GRK3: variants seen among roughly 807,000 people sequenced by gnomAD.
GRK3 encodes the protein adrenergic, beta, receptor kinase 2.
In GRK3, 54 loss-of-function variants were observed where a neutral mutation model predicts 95.7. That is an observed-to-expected ratio of 0.56 (90% CI 0.45 to 0.71). The LOEUF is 0.71. GRK3 is among the 30% of genes least tolerant of loss of function. GRK3 has a pLI of 0.00. For missense variants in GRK3, 649 were observed against 851.2 expected (o/e 0.76, Z 2.96); for synonymous variants, 281 against 290.8 (o/e 0.97, Z 0.34).
rs531854576 is a variant in GRK3 at position 25,701,051 on chromosome 22, C to T, written c.1161-2459C>T. On this transcript the variant is annotated intron_variant, in intron 13 of 20. Coordinates refer to ENST00000324198, the MANE Select transcript of GRK3 (RefSeq NM_005160.4). Reference sequence around the variant, plus strand: ...AATTTTCCAACTCATTTAGGGGAAACGTGCAGCTGTTCCATTCTATCTGTA... The same window carrying T: ...AATTTTCCAACTCATTTAGGGGAAATGTGCAGCTGTTCCATTCTATCTGTA... 3.3e-5 allele frequency among the ~76,000 whole-genome samples: 5 copies of T among 152,320 alleles called. 1 individual carries two copies. The highest frequency in any genetic ancestry group is 3.4e-3 in the Middle Eastern group (1 of 294).
intron 2 of GRK3, among the ~76,000 whole-genome samples, chr22:25,624,801 T>C (rs1336904673): frequency 6.6e-6 from 1 of 152,212 alleles, no homozygotes; most frequent in Non-Finnish European, 1.5e-5. Flanking sequence ...ATCTGAGGAA[T>C]TGACTCTTCT....
intron 11 of GRK3, among the ~76,000 whole-genome samples, chr22:25,689,248 A>G (rs79925704): frequency 6.6e-6 from 1 of 152,168 alleles, no homozygotes; most frequent in African/African-American, 2.4e-5. Flanking sequence ...TCCTTATGCG[A>G]GCTTTGCAAA....
chr22:25,722,155 T>C (rs1296367262), intron 20 of GRK3, 134 bp from the exon 21 acceptor site: 2 of 931,488 alleles, frequency 2.1e-6, no homozygotes, highest in Non-Finnish European at 3.3e-6. Context: ...CAGCTAGTAA[T>C]GCCACTGGGG....
At chr22:25,597,868 C>T (rs1408037564) in intron 1 of GRK3, among the ~76,000 whole-genome samples, 1 of 152,098 alleles carries the variant, frequency 6.6e-6, no homozygotes, top group Non-Finnish European at 1.5e-5. Context: ...GATCCTATAC[C>T]CAATAACAAT....
chr22:25,673,321 C>T (rs1181449193), intron 7 of GRK3, among the ~76,000 whole-genome samples: 1 of 151,992 alleles, frequency 6.6e-6, no homozygotes, highest in African/African-American at 2.4e-5. Context: ...CTCGGCCTCC[C>T]GAAGTGCTGG....
chr22:25,675,370 A>G (rs1244023630), intron 8 of GRK3, among the ~76,000 whole-genome samples: 1 of 152,122 alleles, frequency 6.6e-6, no homozygotes, highest in Non-Finnish European at 1.5e-5. Flanking sequence ...TTTTCCTGGG[A>G]GGTCAGCATT....
intron 17 of GRK3, among the ~76,000 whole-genome samples, chr22:25,711,686 G>T (rs1483615696): frequency 6.6e-6 from 1 of 152,038 alleles, no homozygotes; most frequent in Non-Finnish European, 1.5e-5. Flanking sequence ...TAGAGATGGT[G>T]AGTCATGAGA....
At chr22:25,575,856 T>C (rs1303604663) in intron 1 of GRK3, among the ~76,000 whole-genome samples, 2 of 152,220 alleles carry the variant, frequency 1.3e-5, no homozygotes, top group African/African-American at 2.4e-5. Flanking sequence ...GGGCAGGGAG[T>C]GGCTTTCAGC....
chr22:25,711,790 C>T (rs1386539426), intron 17 of GRK3, among the ~76,000 whole-genome samples: 1 of 152,146 alleles, frequency 6.6e-6, no homozygotes, highest in East Asian at 1.9e-4. Flanking sequence ...AGGCTCTACC[C>T]CCTGCCCCCG....
rs115572548 is a variant in GRK3 at position 25,569,086 on chromosome 22, G to A, written c.113+3933G>A. Among the ~76,000 whole-genome samples the A allele has an allele frequency of 7.0e-3, 1,072 of 152,264 alleles. 14 individuals carry two copies. Among genetic ancestry groups the A allele is most frequent in the African/African-American group, 0.024 (1,014 of 41,554 alleles). On this transcript the variant is annotated intron_variant, in intron 1 of 20. Coordinates refer to ENST00000324198, the MANE Select transcript of GRK3 (RefSeq NM_005160.4). ...TGGATAACTTGAAATACTCCTCTCC[G>A]TTTAGGCTGTAGAGTTTTCTGTGTC...
At chr22:25,677,377 T>TAAAAAAAAAAAAAAAAAAAAA (rs376997700) in intron 8 of GRK3, among the ~76,000 whole-genome samples, 4 of 42,552 alleles carry the variant, frequency 9.4e-5, no homozygotes, top group Non-Finnish European at 1.3e-4. Context: ...CCCCATATCT[T>TAAAAAAAAAAAAAAAAAAAAA]AAAAAAAAAA....
Position 25,674,549 on chromosome 22 carries a change from T to C in GRK3, c.647+21T>C, listed in dbSNP as rs191078747. Reference sequence around the variant, plus strand: ...AAAATGTAAGCTTTCAATGCTCTTATGTTTTACTGGCACTATTAAAATTTT... The same window carrying C: ...AAAATGTAAGCTTTCAATGCTCTTACGTTTTACTGGCACTATTAAAATTTT... On this transcript the variant is annotated intron_variant, in intron 8 of 20. Transcript: ENST00000324198. 448 of 1,514,890 alleles carry C rather than the reference T, an allele frequency of 3.0e-4. 3 individuals are homozygous for C. The Admixed American group carries it at 7.8e-3, about 26-fold the overall frequency. 93.8% of individuals were successfully genotyped at this position (1,514,890 alleles called of 1,614,324 possible).
chr22:25,682,672 G>T (rs1601523784), intron 9 of GRK3, among the ~76,000 whole-genome samples: 2 of 152,252 alleles, frequency 1.3e-5, no homozygotes, highest in Admixed American at 6.5e-5. Flanking sequence ...TTTATGTAAA[G>T]AATCTAAGTG....
At chr22:25,586,322 A>G (rs1173616020) in intron 1 of GRK3, among the ~76,000 whole-genome samples, 2 of 152,300 alleles carry the variant, frequency 1.3e-5, no homozygotes, top group Non-Finnish European at 2.9e-5. Context: ...CAGAGTGACT[A>G]TAGTCAATAA....
chr22:25,625,026 C>A (rs2084616731), intron 2 of GRK3, among the ~76,000 whole-genome samples: 1 of 151,360 alleles, frequency 6.6e-6, no homozygotes, highest in South Asian at 2.1e-4. Context: ...ATGCCATTCT[C>A]CTGCCTCGGC....
At position 25,565,165 on chromosome 22, in the gene GRK3, C is replaced by A. The variant is rs373007827; in HGVS notation, c.113+12C>A. Reference sequence around the variant, plus strand: ...CTGCCGGAGCCCAGGTACCAGCTGCCCCGGCCGGCGCCGGCCCCAAGCCGC... The same window carrying A: ...CTGCCGGAGCCCAGGTACCAGCTGCACCGGCCGGCGCCGGCCCCAAGCCGC... On this transcript the variant is annotated intron_variant, in intron 1 of 20. Coordinates refer to ENST00000324198, the MANE Select transcript of GRK3 (RefSeq NM_005160.4). 1.4e-6 allele frequency: 2 copies of A among 1,460,810 alleles called. No individual in the cohort carries two copies. Among genetic ancestry groups the A allele is most frequent in the South Asian group, 1.3e-5 (1 of 78,530 alleles). The allele number at this position is 1,460,810 out of a possible 1,614,324, so 90.5% of individuals were successfully genotyped here. A position where few individuals can be genotyped will look rare whatever the true frequency, so the allele number is the denominator to read the frequency against.
intron 2 of GRK3, among the ~76,000 whole-genome samples, chr22:25,623,589 A>C (rs2084603856): frequency 6.6e-6 from 1 of 152,178 alleles, no homozygotes; most frequent in Non-Finnish European, 1.5e-5. Flanking sequence ...CTCACTAATT[A>C]TCTCCTCCCT....
intron 3 of GRK3, among the ~76,000 whole-genome samples, chr22:25,651,391 G>A (rs2084829645): frequency 6.6e-6 from 1 of 152,094 alleles, no homozygotes; most frequent in Non-Finnish European, 1.5e-5. Flanking sequence ...TGGCATATAC[G>A]TTCAAATTCA....
intron 2 of GRK3, among the ~76,000 whole-genome samples, chr22:25,636,808 C>A (rs1158963537): frequency 6.6e-6 from 1 of 152,102 alleles, no homozygotes; most frequent in African/African-American, 2.4e-5. Context: ...AATTACGCAG[C>A]ATATACTTCT....
Sources: allele counts gnomAD v4.1 joint callset (sites outside exome capture counted in the v4.1 genomes callset), GRCh38; gene constraint gnomAD v4.1.1; transcripts MANE v1.5; gene names NCBI Gene and HGNC (gene_info 2026-07-23, HGNC 2026-07-21).